KATNIP: variants seen among roughly 807,000 people sequenced by gnomAD.
KATNIP encodes katanin interacting protein, also known as katanin-interacting protein.
A neutral mutation model predicts 174.0 loss-of-function variants in KATNIP; 126 were observed. The ratio of observed to expected loss-of-function variants is 0.72; its 90% CI spans 0.63 to 0.84. The LOEUF is 0.84. KATNIP is among the 40% of genes least tolerant of loss of function. The pLI is 0.00. For synonymous variants in KATNIP, 810 were observed against 835.7 expected (o/e 0.97, Z 0.53); for missense variants, 1,958 against 2,109.7 (o/e 0.93, Z 1.41).
chr16:27,652,111 C>T (rs1364162280), intron 6 of KATNIP, among the ~76,000 whole-genome samples: 2 of 152,182 alleles, frequency 1.3e-5, no homozygotes, highest in Non-Finnish European at 2.9e-5. Context: ...GTACCACCAT[C>T]CTGGGTACCA....
chr16:27,667,453 A>ATG, intron 6 of KATNIP, among the ~76,000 whole-genome samples: 1 of 152,232 alleles, frequency 6.6e-6, no homozygotes, highest in Non-Finnish European at 1.5e-5. Flanking sequence ...TGCCTCATAT[A>ATG]GTACAAGAGA....
intron 8 of KATNIP, among the ~76,000 whole-genome samples, chr16:27,696,539 T>C (rs1355507481): frequency 6.6e-6 from 1 of 152,160 alleles, no homozygotes; most frequent in Non-Finnish European, 1.5e-5. Context: ...GTTCCCCTGC[T>C]AGTATCCGTG....
Position 27,692,363 on chromosome 16 carries a change from A to G in KATNIP, c.941-5965A>G, listed in dbSNP as rs373194767. Among the ~76,000 whole-genome samples, 4 of 152,224 alleles carry G rather than the reference A, an allele frequency of 2.6e-5. No homozygotes were observed. The South Asian group carries it at 8.3e-4, about 32-fold the overall frequency. ...ATATTCACAAATACTTAGATTTACA[A>G]GGTTTGGGGTTTAAGTCATTTTTCA... On this transcript the variant is annotated intron_variant, in intron 8 of 27. Coordinates refer to ENST00000261588, the MANE Select transcript of KATNIP (RefSeq NM_015202.5).
chr16:27,684,440 T>A (rs973542319), intron 8 of KATNIP, among the ~76,000 whole-genome samples: 2 of 152,250 alleles, frequency 1.3e-5, no homozygotes, highest in Admixed American at 1.3e-4. Context: ...AGCAGTAACA[T>A]GCCTGAAAAT....
chr16:27,621,719 T>A (rs1215033686), intron 3 of KATNIP, among the ~76,000 whole-genome samples: 6 of 151,410 alleles, frequency 4.0e-5, no homozygotes, highest in Non-Finnish European at 8.8e-5. Context: ...TCAGGGAGCT[T>A]GTATTCATGG....
At chr16:27,713,848 ATATATAT>A (rs1567337316) in intron 13 of KATNIP, among the ~76,000 whole-genome samples, 2 of 74,474 alleles carry the variant, frequency 2.7e-5, no homozygotes, top group East Asian at 3.3e-4. Flanking sequence ...ATATATATAT[ATATATAT>A]ATCTATCTCA....
At chr16:27,725,767 G>A (rs552286992) in intron 14 of KATNIP, among the ~76,000 whole-genome samples, 1 of 152,236 alleles carries the variant, frequency 6.6e-6, no homozygotes, top group South Asian at 2.1e-4. Context: ...GTACAGATAA[G>A]CACACCATCC....
chr16:27,618,182 G>A (rs868272312), intron 2 of KATNIP, among the ~76,000 whole-genome samples: 3 of 152,188 alleles, frequency 2.0e-5, no homozygotes, highest in Non-Finnish European at 4.4e-5. Flanking sequence ...GAACAGTAGC[G>A]AGAGGCGGGA....
chr16:27,778,402 G>C (rs1310773898), intron 27 of KATNIP, among the ~76,000 whole-genome samples, 172 bp from the exon 28 acceptor site: 2 of 152,228 alleles, frequency 1.3e-5, no homozygotes, highest in African/African-American at 4.8e-5. Context: ...TTGTGGCAGA[G>C]CCTGCTCCAG....
intron 2 of KATNIP, among the ~76,000 whole-genome samples, chr16:27,612,952 T>A (rs994568907): frequency 4.0e-5 from 6 of 150,224 alleles, no homozygotes; most frequent in East Asian, 2.0e-4. Context: ...TCAAAAAAAA[T>A]AAATAAATAA....
chr16:27,648,796 A>T lies in KATNIP; in HGVS notation c.540+61A>T, dbSNP rs1049496937. ...GAAGGACGGCGAGGCTCGGTGCTGC[A>T]GTGGCCCCTCGGGGCACTTTCTGAC... On this transcript the variant is annotated intron_variant, in intron 6 of 27. Transcript: ENST00000261588. 8.2e-6 allele frequency: 13 copies of T among 1,575,912 alleles called. No homozygotes were observed. In the Admixed American group the frequency reaches 1.9e-4, roughly 22 times the overall value.
chr16:27,559,220 C>G (rs569561593), intron 1 of KATNIP, among the ~76,000 whole-genome samples: 1 of 152,286 alleles, frequency 6.6e-6, no homozygotes, highest in Admixed American at 6.5e-5. Flanking sequence ...GGCTTTGCAG[C>G]TTTAACAATT....
chr16:27,592,652 A>G (rs1355527478), intron 2 of KATNIP, among the ~76,000 whole-genome samples: 2 of 152,110 alleles, frequency 1.3e-5, no homozygotes, highest in Non-Finnish European at 1.5e-5. Context: ...ATGTGGACAC[A>G]GGAGCATATA....
intron 12 of KATNIP, among the ~76,000 whole-genome samples, chr16:27,707,643 A>G (rs1273916578): frequency 2.0e-5 from 3 of 152,276 alleles, no homozygotes; most frequent in African/African-American, 4.8e-5. Flanking sequence ...CAGGGCTGCC[A>G]TAACAAAATA....
chr16:27,740,904 C>T lies in KATNIP; in HGVS notation c.2607C>T (p.Asp869=). Residue 869 remains aspartate (D), a synonymous_variant, in exon 15 of 28, where the codon GAC becomes GAT. Transcript: ENST00000261588. ...KDAGSSSHGD[D]QPASREDTWS... is the part of the protein sequence containing the mutation. Reference sequence around the variant, plus strand: ...CTGGCAGCAGTAGTCATGGGGACGACCAGCCAGCCAGCAGAGGTAAGCTCC... The same window carrying T: ...CTGGCAGCAGTAGTCATGGGGACGATCAGCCAGCCAGCAGAGGTAAGCTCC... 6 of 1,595,104 alleles carry T rather than the reference C, an allele frequency of 3.8e-6. No homozygotes were observed. The highest frequency in any genetic ancestry group is 5.1e-6 in the Non-Finnish European group (6 of 1,171,384).
At chr16:27,725,813 C>T (rs547667534) in intron 14 of KATNIP, among the ~76,000 whole-genome samples, 1 of 152,342 alleles carries the variant, frequency 6.6e-6, no homozygotes, top group East Asian at 1.9e-4. Flanking sequence ...AGTGCCGCCT[C>T]CAGCCTGGTC....
At chr16:27,607,594 C>CTTTTTTTTTTTTT (rs33954778) in intron 2 of KATNIP, among the ~76,000 whole-genome samples, 1 of 78,902 alleles carries the variant, frequency 1.3e-5, no homozygotes. Context: ...CAGTCAGTGT[C>CTTTTTTTTTTTTT]TTTTTTTTTT....
At position 27,688,804 on chromosome 16, in the gene KATNIP, A is replaced by G. The variant is rs569479991; in HGVS notation, c.940+7274A>G. Among the ~76,000 whole-genome samples, 102 of 152,334 alleles carry G rather than the reference A, an allele frequency of 6.7e-4. 1 individual carries two copies. Among genetic ancestry groups the G allele is most frequent in the African/African-American group, 2.4e-3 (99 of 41,584 alleles). On this transcript the variant is annotated intron_variant, in intron 8 of 27. Transcript: ENST00000261588. ...CCTAGAGATGGCCCCCAGTGGCTCC[A>G]GGCTTCCTTTACTATCTGCTTTGCA...
intron 8 of KATNIP, chr16:27,685,526 T>C (rs1452797654): frequency 6.6e-6 from 1 of 152,216 alleles, no homozygotes; most frequent in Non-Finnish European, 1.5e-5. Flanking sequence ...CTGGCCACCA[T>C]GGCAAAGAAG....
Sources: allele counts gnomAD v4.1 joint callset (sites outside exome capture counted in the v4.1 genomes callset), GRCh38; gene constraint gnomAD v4.1.1; transcripts MANE v1.5; gene names NCBI Gene and HGNC (gene_info 2026-07-23, HGNC 2026-07-21).